PALLD: variants seen among roughly 807,000 people sequenced by gnomAD.
The protein encoded by PALLD is palladin.
A neutral mutation model predicts 123.5 loss-of-function variants in PALLD; 61 were observed. The ratio of observed to expected loss-of-function variants is 0.49; its 90% CI spans 0.40 to 0.61. The LOEUF (loss-of-function observed/expected upper bound fraction) is 0.61, where lower values mean the gene tolerates loss of function less well. Among genes scored for constraint, PALLD ranks in the 20% least tolerant of loss-of-function variants. PALLD has a pLI of 0.00. For synonymous variants in PALLD, 465 were observed against 496.4 expected (o/e 0.94, Z 0.84); for missense variants, 1,273 against 1,377.0 (o/e 0.92, Z 1.20).
chr4:168,911,911 T>C (rs1327007609), intron 15 of PALLD, among the ~76,000 whole-genome samples: 1 of 152,184 alleles, frequency 6.6e-6, no homozygotes. Flanking sequence ...AAACTAGTTA[T>C]GTTTGTTTCT....
intron 10 of PALLD, among the ~76,000 whole-genome samples, chr4:168,752,718 C>G (rs912433888): frequency 6.8e-6 from 1 of 147,240 alleles, no homozygotes; most frequent in Non-Finnish European, 1.5e-5. Context: ...CATCTATATA[C>G]TTTGAAAATA....
chr4:168,816,734 T>C (rs1742010879), intron 10 of PALLD, among the ~76,000 whole-genome samples: 1 of 151,952 alleles, frequency 6.6e-6, no homozygotes. Context: ...CAAAAGGTAC[T>C]CCTTAAATGG....
intron 10 of PALLD, among the ~76,000 whole-genome samples, chr4:168,861,196 C>A (rs891254898): frequency 6.6e-6 from 1 of 151,716 alleles, no homozygotes; most frequent in Non-Finnish European, 1.5e-5. Flanking sequence ...AGAATTTTGC[C>A]TCGGCTACAT....
chr4:168,692,537 G>A (rs1012526776), intron 8 of PALLD, among the ~76,000 whole-genome samples: 1 of 152,182 alleles, frequency 6.6e-6, no homozygotes, highest in African/African-American at 2.4e-5. Flanking sequence ...TGCTGCATGA[G>A]CTAATATGGG....
chr4:168,647,815 A>C (rs535476636), intron 2 of PALLD: 10 of 150,560 alleles, frequency 6.6e-5, no homozygotes, highest in African/African-American at 2.4e-4. Flanking sequence ...AGTGGCATGC[A>C]TATTTAAAAG....
At chr4:168,754,369 A>T (rs969090219) in intron 10 of PALLD, among the ~76,000 whole-genome samples, 1 of 152,174 alleles carries the variant, frequency 6.6e-6, no homozygotes, top group Non-Finnish European at 1.5e-5. Context: ...GGTTTATTTC[A>T]TGCCTAGGGT....
chr4:168,597,223 A>G (rs1029326586), intron 2 of PALLD, among the ~76,000 whole-genome samples: 8 of 152,128 alleles, frequency 5.3e-5, no homozygotes, highest in Admixed American at 2.6e-4. Context: ...ATAAAAATAT[A>G]CCATATACTA....
At chr4:168,703,908 G>T (rs1783956984) in intron 8 of PALLD, among the ~76,000 whole-genome samples, 1 of 151,562 alleles carries the variant, frequency 6.6e-6, no homozygotes, top group South Asian at 2.1e-4. Flanking sequence ...AAGCTCTTTA[G>T]TTTAATTAGA....
chr4:168,892,312 CT>C (rs1184938346), intron 11 of PALLD, among the ~76,000 whole-genome samples: 2 of 152,110 alleles, frequency 1.3e-5, no homozygotes, highest in South Asian at 2.1e-4. Flanking sequence ...AGACAAGGAT[CT>C]TTTTGTATAA....
rs190243113 is a variant in PALLD at position 168,633,334 on chromosome 4, T to C, written c.909-34856T>C. ...TTATAGGGGTTACATGAAGATGTTATGAGCATGCATTTGAGCTTACCCACC... is the reference window on the plus strand; with the variant it reads ...TTATAGGGGTTACATGAAGATGTTACGAGCATGCATTTGAGCTTACCCACC... On this transcript the variant is annotated intron_variant, in intron 2 of 21. Coordinates refer to ENST00000505667, the MANE Select transcript of PALLD (RefSeq NM_001166108.2). 1.8e-4 allele frequency among the ~76,000 whole-genome samples: 28 copies of C among 152,334 alleles called. No homozygotes were observed. In the East Asian group the frequency reaches 3.5e-3, roughly 19 times the overall value.
chr4:168,882,299 G>C (rs28576549), intron 10 of PALLD, among the ~76,000 whole-genome samples: 1,711 of 152,300 alleles, frequency 0.011, 48 homozygotes, highest in African/African-American at 0.039. Flanking sequence ...CCAGGGTTCT[G>C]GAAGAAATGC....
chr4:168,594,974 CTA>C (rs894353863), intron 2 of PALLD, among the ~76,000 whole-genome samples: 2 of 152,102 alleles, frequency 1.3e-5, no homozygotes, highest in African/African-American at 4.8e-5. Flanking sequence ...ACAGAGTAAT[CTA>C]TTTCATGTAA....
chr4:168,579,565 G>C (rs900620544), intron 2 of PALLD, among the ~76,000 whole-genome samples: 3 of 151,702 alleles, frequency 2.0e-5, no homozygotes, highest in Non-Finnish European at 4.4e-5. Flanking sequence ...AAAAGGTCTA[G>C]GTCAATGTTC....
At position 168,690,765 on chromosome 4, in the gene PALLD, C is replaced by G. The variant is rs1348660690; in HGVS notation, c.1477+21C>G. ...GAAAAGTAAGGAGAAGTGCCCATGTCCCCAAATCTGACCATTTTATTCTCT... is the reference window on the plus strand; with the variant it reads ...GAAAAGTAAGGAGAAGTGCCCATGTGCCCAAATCTGACCATTTTATTCTCT... On this transcript the variant is annotated intron_variant, in intron 7 of 21. Coordinates refer to ENST00000505667, the MANE Select transcript of PALLD (RefSeq NM_001166108.2). The G allele has an allele frequency of 6.2e-6, 10 of 1,612,742 alleles. No homozygotes were observed. The Admixed American group carries it at 8.3e-5, about 13-fold the overall frequency.
intron 10 of PALLD, among the ~76,000 whole-genome samples, chr4:168,794,069 C>T (rs1738038761): frequency 1.3e-5 from 2 of 152,158 alleles, no homozygotes; most frequent in Admixed American, 6.5e-5. Context: ...CACGGCTCCT[C>T]CCGTCCTCAG....
chr4:168,527,199 G>A (rs1412633115), intron 2 of PALLD, among the ~76,000 whole-genome samples: 2 of 152,122 alleles, frequency 1.3e-5, no homozygotes, highest in South Asian at 2.1e-4. Context: ...GAGGATGGCA[G>A]ATCACCTGAG....
intron 10 of PALLD, among the ~76,000 whole-genome samples, chr4:168,814,543 A>C (rs1019411766): frequency 2.0e-5 from 3 of 152,276 alleles, no homozygotes; most frequent in Admixed American, 2.0e-4. Context: ...GGTTCATAGG[A>C]CGAAATTACT....
chr4:168,877,179 A>G (rs1227656919), intron 10 of PALLD, among the ~76,000 whole-genome samples: 1 of 152,222 alleles, frequency 6.6e-6, no homozygotes, highest in Admixed American at 6.5e-5. Flanking sequence ...TAGGGGACAA[A>G]TGTAGAGATT....
intron 10 of PALLD, among the ~76,000 whole-genome samples, chr4:168,783,481 G>A (rs114975227): frequency 6.6e-6 from 1 of 152,050 alleles, no homozygotes; most frequent in Non-Finnish European, 1.5e-5. Flanking sequence ...TAGGGGAGAG[G>A]TGATGAGACC....
Sources: allele counts gnomAD v4.1 joint callset (sites outside exome capture counted in the v4.1 genomes callset), GRCh38; gene constraint gnomAD v4.1.1; transcripts MANE v1.5; gene names NCBI Gene and HGNC (gene_info 2026-07-23, HGNC 2026-07-21).